The following GPC5 variants were observed in gnomAD, a reference collection of about 807,000 sequenced individuals.
GPC5 encodes glypican-5.
GPC5 carries 47 observed loss-of-function variants against 53.9 expected under a neutral mutation model. The ratio of observed to expected loss-of-function variants is 0.87; its 90% CI spans 0.69 to 1.11. GPC5 has a LOEUF of 1.11. GPC5 is among the 50% of genes most tolerant of loss of function. GPC5 has a pLI of 0.00. For synonymous variants in GPC5, 286 were observed against 263.3 expected, an observed-to-expected ratio of 1.09 and a Z score of -0.84; for missense variants, 748 against 713.1, an observed-to-expected ratio of 1.05 and a Z score of -0.56.
chr13:92,821,335 T>C (rs558390609), intron 7 of GPC5, among the ~76,000 whole-genome samples: 104 of 152,316 alleles, frequency 6.8e-4, no homozygotes, highest in Non-Finnish European at 1.3e-3. Flanking sequence ...ATTTGTGTAA[T>C]TAGAATTATG....
chr13:92,396,593 A>C (rs1189669738), intron 7 of GPC5, among the ~76,000 whole-genome samples: 2 of 152,114 alleles, frequency 1.3e-5, no homozygotes, highest in Non-Finnish European at 2.9e-5. Flanking sequence ...ATAGGTAAAC[A>C]TGTTCCATGG....
At chr13:92,028,729 A>G (rs939928655) in intron 6 of GPC5, among the ~76,000 whole-genome samples, 2 of 152,206 alleles carry the variant, frequency 1.3e-5, no homozygotes, top group African/African-American at 4.8e-5. Context: ...ACTCTTTTGA[A>G]TATCTGTGGT....
At chr13:92,753,700 C>T (rs1018830809) in intron 7 of GPC5, among the ~76,000 whole-genome samples, 20 of 151,594 alleles carry the variant, frequency 1.3e-4, no homozygotes, top group South Asian at 2.1e-4. Flanking sequence ...CCTCAGGAGC[C>T]GATGCGATCA....
intron 4 of GPC5, among the ~76,000 whole-genome samples, chr13:91,733,132 T>G (rs2036738398): frequency 6.6e-6 from 1 of 151,838 alleles, no homozygotes; most frequent in South Asian, 2.1e-4. Context: ...TTTTCACAAT[T>G]TTTGTTTTGT....
intron 2 of GPC5, among the ~76,000 whole-genome samples, chr13:91,619,564 T>C (rs1001070701): frequency 6.6e-6 from 1 of 152,138 alleles, no homozygotes; most frequent in Non-Finnish European, 1.5e-5. Context: ...AGTATCATTT[T>C]ACTTTTCAAC....
chr13:92,624,939 C>T (rs762079893), intron 7 of GPC5, among the ~76,000 whole-genome samples: 15 of 152,210 alleles, frequency 9.9e-5, no homozygotes, highest in Non-Finnish European at 1.5e-4. Context: ...CACATGAATA[C>T]AATAGCATGT....
At chr13:92,026,034 A>T (rs1027386835) in intron 6 of GPC5, among the ~76,000 whole-genome samples, 1 of 152,132 alleles carries the variant, frequency 6.6e-6, no homozygotes, top group Non-Finnish European at 1.5e-5. Flanking sequence ...CAGTACTTCC[A>T]CAGCACTTCC....
At chr13:91,810,562 A>G (rs894837672) in intron 5 of GPC5, among the ~76,000 whole-genome samples, 2 of 151,938 alleles carry the variant, frequency 1.3e-5, no homozygotes, top group Admixed American at 1.3e-4. Flanking sequence ...TAATTTCTCA[A>G]AGACCTTGGC....
intron 1 of GPC5, among the ~76,000 whole-genome samples, chr13:91,434,568 T>A (rs532491364): frequency 6.6e-6 from 1 of 152,224 alleles, no homozygotes; most frequent in South Asian, 2.1e-4. Flanking sequence ...TATATCTCTG[T>A]TTTGGTACCA....
In GPC5 at chr13:92,867,237, A is replaced by T. The variant is rs895318532; in HGVS notation, c.*798A>T. 5 of 151,544 alleles carry T rather than the reference A, an allele frequency of 3.3e-5. No individual in the cohort carries two copies. Among genetic ancestry groups the T allele is most frequent in the Non-Finnish European group, 5.9e-5 (4 of 67,998 alleles). The allele number at this position is 151,544 out of a possible 1,614,324, so 9.4% of individuals were successfully genotyped here. A position where few individuals can be genotyped will look rare whatever the true frequency, so the allele number is the denominator to read the frequency against. The stretch of plus-strand genomic sequence containing the variant: ...AAGCTGTTAACTATTTGGTGGAAAA[A>T]TTTGAAGAATATTTGTCATTTTCTT... On this transcript the variant is annotated 3_prime_UTR_variant, in exon 8 of 8. Coordinates refer to ENST00000377067, the MANE Select transcript of GPC5 (RefSeq NM_004466.6).
chr13:92,781,149 T>G (rs1418264472), intron 7 of GPC5, among the ~76,000 whole-genome samples: 2 of 152,142 alleles, frequency 1.3e-5, no homozygotes, highest in Non-Finnish European at 2.9e-5. Context: ...AAACGTTCCT[T>G]ATATTACAGT....
intron 5 of GPC5, among the ~76,000 whole-genome samples, chr13:91,889,422 T>C (rs2039361009): frequency 6.6e-6 from 1 of 152,156 alleles, no homozygotes; most frequent in Admixed American, 6.6e-5. Context: ...TAGTAATTAG[T>C]GTTGTTTTAA....
intron 7 of GPC5, among the ~76,000 whole-genome samples, chr13:92,204,252 T>A (rs889669509): frequency 1.3e-5 from 2 of 152,200 alleles, no homozygotes; most frequent in African/African-American, 4.8e-5. Flanking sequence ...TAATTGTACA[T>A]GAACATTGAC....
intron 7 of GPC5, among the ~76,000 whole-genome samples, chr13:92,622,486 T>G (rs1012731332): frequency 6.6e-6 from 1 of 152,202 alleles, no homozygotes; most frequent in African/African-American, 2.4e-5. Context: ...ACCTCGAATG[T>G]TGTGCCTGGA....
intron 6 of GPC5, among the ~76,000 whole-genome samples, chr13:92,041,777 C>G (rs1023792291): frequency 1.3e-5 from 2 of 152,188 alleles, no homozygotes; most frequent in Non-Finnish European, 2.9e-5. Flanking sequence ...TGAAACAACA[C>G]TCGACGAAAG....
At chr13:92,469,743 T>C (rs1184493480) in intron 7 of GPC5, among the ~76,000 whole-genome samples, 1 of 152,144 alleles carries the variant, frequency 6.6e-6, no homozygotes, top group African/African-American at 2.4e-5. Context: ...TTGCAAAGAC[T>C]TTCATTATGG....
intron 1 of GPC5, among the ~76,000 whole-genome samples, chr13:91,416,667 G>T (rs576857342): frequency 4.4e-4 from 67 of 151,474 alleles, no homozygotes; most frequent in African/African-American, 1.6e-3. Flanking sequence ...TGATCTCATT[G>T]TTCAGTTCCC....
chr13:92,399,455 G>A (rs1015550652), intron 7 of GPC5, among the ~76,000 whole-genome samples: 3 of 151,988 alleles, frequency 2.0e-5, no homozygotes, highest in Admixed American at 6.6e-5. Context: ...TCTCCTTCCA[G>A]ATCATTCCTC....
At chr13:92,819,602 G>C (rs1877606569) in intron 7 of GPC5, among the ~76,000 whole-genome samples, 1 of 152,188 alleles carries the variant, frequency 6.6e-6, no homozygotes, top group South Asian at 2.1e-4. Flanking sequence ...AGCATCCATT[G>C]ATTTTTTTCA....
Sources: allele counts gnomAD v4.1 joint callset (sites outside exome capture counted in the v4.1 genomes callset), GRCh38; gene constraint gnomAD v4.1.1; transcripts MANE v1.5; gene names NCBI Gene and HGNC (gene_info 2026-07-23, HGNC 2026-07-21).